ZNF704: variants seen among roughly 807,000 people sequenced by gnomAD.
The protein encoded by ZNF704 is zinc finger protein 704.
Under a neutral mutation model 44.7 loss-of-function variants are expected in ZNF704, and 10 were observed. The ratio of observed to expected loss-of-function variants is 0.22; its 90% confidence interval spans 0.14 to 0.38. The LOEUF (loss-of-function observed/expected upper bound fraction) is 0.38, where lower values mean the gene tolerates loss of function less well. Among genes scored for constraint, ZNF704 ranks in the 10% least tolerant of loss-of-function variants. The pLI is 1.00. For synonymous variants in ZNF704, 211 were observed against 207.6 expected (o/e 1.02, Z -0.14); for missense variants, 390 against 545.5 (o/e 0.71, Z 2.84).
intron 2 of ZNF704, among the ~76,000 whole-genome samples, chr8:80,730,549 A>AG (rs1303226170): frequency 6.8e-6 from 1 of 146,444 alleles, no homozygotes; most frequent in African/African-American, 2.7e-5. Flanking sequence ...AAAAAAAAAA[A>AG]AAAAAAAAAA....
intron 2 of ZNF704, among the ~76,000 whole-genome samples, chr8:80,804,718 T>C (rs903654887): frequency 6.6e-6 from 1 of 152,080 alleles, no homozygotes; most frequent in African/African-American, 2.4e-5. Context: ...GAAGAATAGT[T>C]AATGGATACT....
At chr8:80,870,974 T>C (rs1173888350) in intron 1 of ZNF704, among the ~76,000 whole-genome samples, 1 of 152,180 alleles carries the variant, frequency 6.6e-6, no homozygotes, top group Non-Finnish European at 1.5e-5. Flanking sequence ...AACCAACATT[T>C]ACATCATGGT....
chr8:80,711,692 T>A (rs1818990123), intron 2 of ZNF704, among the ~76,000 whole-genome samples: 1 of 152,186 alleles, frequency 6.6e-6, no homozygotes, highest in African/African-American at 2.4e-5. Flanking sequence ...AGGCTCAGAT[T>A]TTTTACTTTT....
chr8:80,864,575 A>G (rs959456777), intron 1 of ZNF704, among the ~76,000 whole-genome samples: 1 of 152,222 alleles, frequency 6.6e-6, no homozygotes, highest in Non-Finnish European at 1.5e-5. Flanking sequence ...AAGTCAATTA[A>G]TTACCAAGCC....
chr8:80,807,852 A>G (rs1808016160), intron 2 of ZNF704, among the ~76,000 whole-genome samples: 1 of 152,216 alleles, frequency 6.6e-6, no homozygotes, highest in South Asian at 2.1e-4. Flanking sequence ...TTTTAAAACA[A>G]AATGGGCTTT....
At chr8:80,644,646 T>C (rs926888835) in intron 7 of ZNF704, among the ~76,000 whole-genome samples, 1 of 152,154 alleles carries the variant, frequency 6.6e-6, no homozygotes, top group Admixed American at 6.5e-5. Flanking sequence ...CAAACTCAGA[T>C]GCTTCCTCCA....
intron 1 of ZNF704, 78 bp from the exon 2 acceptor site, chr8:80,821,693 A>C: frequency 9.6e-7 from 1 of 1,042,310 alleles, no homozygotes; most frequent in Non-Finnish European, 1.5e-6. Context: ...CGGTGAGGAG[A>C]GATTACAGAC....
At chr8:80,824,943 A>T (rs1586055174) in intron 1 of ZNF704, among the ~76,000 whole-genome samples, 3 of 152,208 alleles carry the variant, frequency 2.0e-5, no homozygotes, top group South Asian at 2.1e-4. Context: ...ATGGAAAGGA[A>T]CAACTGGTAC....
At chr8:80,689,843 A>T (rs1818602725) in intron 3 of ZNF704, among the ~76,000 whole-genome samples, 1 of 152,178 alleles carries the variant, frequency 6.6e-6, no homozygotes, top group South Asian at 2.1e-4. Flanking sequence ...TTTTTCTCAG[A>T]AAAAAAGTCA....
At chr8:80,750,809 A>G (rs1017534607) in intron 2 of ZNF704, among the ~76,000 whole-genome samples, 2 of 151,944 alleles carry the variant, frequency 1.3e-5, no homozygotes, top group Non-Finnish European at 2.9e-5. Flanking sequence ...GCCCAACCTT[A>G]TTTTAAACTT....
intron 1 of ZNF704, among the ~76,000 whole-genome samples, chr8:80,852,357 C>T (rs1808879739): frequency 6.6e-6 from 1 of 152,086 alleles, no homozygotes; most frequent in Non-Finnish European, 1.5e-5. Context: ...ATATACATGC[C>T]ACATGAATCA....
intron 2 of ZNF704, among the ~76,000 whole-genome samples, chr8:80,775,625 TA>T (rs1807398070): frequency 6.6e-6 from 1 of 152,204 alleles, no homozygotes; most frequent in South Asian, 2.1e-4. Flanking sequence ...ATATCCCAAA[TA>T]AACTATTTGC....
intron 2 of ZNF704, among the ~76,000 whole-genome samples, chr8:80,750,292 A>G (rs2131705056): frequency 6.6e-6 from 1 of 152,154 alleles, no homozygotes; most frequent in East Asian, 1.9e-4. Flanking sequence ...ACTGTAACAC[A>G]ACGCTACTCA....
intron 4 of ZNF704, among the ~76,000 whole-genome samples, chr8:80,678,060 C>T (rs1305380379): frequency 6.6e-6 from 1 of 152,010 alleles, no homozygotes; most frequent in Non-Finnish European, 1.5e-5. Flanking sequence ...TCTTGCATAC[C>T]CTACACTGGT....
chr8:80,798,877 T>C (rs1289733346), intron 2 of ZNF704, among the ~76,000 whole-genome samples: 1 of 152,228 alleles, frequency 6.6e-6, no homozygotes, highest in Non-Finnish European at 1.5e-5. Flanking sequence ...TTATGGAGGC[T>C]GAGAAGTCCA....
chr8:80,748,778 A>C (rs763500217), intron 2 of ZNF704, among the ~76,000 whole-genome samples: 25 of 152,196 alleles, frequency 1.6e-4, no homozygotes, highest in Non-Finnish European at 3.4e-4. Context: ...AAGGAAGTTA[A>C]AAAACGAGGA....
intron 2 of ZNF704, among the ~76,000 whole-genome samples, chr8:80,711,906 C>A (rs1451537595): frequency 6.6e-6 from 1 of 152,132 alleles, no homozygotes; most frequent in Non-Finnish European, 1.5e-5. Context: ...CAGGACAGAC[C>A]ACAAACAACA....
Position 80,643,516 on chromosome 8 carries a change from C to CAA in ZNF704, c.1033-389_1033-388dup, listed in dbSNP as rs1174433192. On this transcript the variant is annotated intron_variant, in intron 7 of 8. Transcript: ENST00000327835. ...TGGGTGACAGAGTGAGATCCTGTCT[C>CAA]AAAAAAAAAAAAAAAAAAAAAAAAA... Among the ~76,000 whole-genome samples, 31 of 23,382 alleles carry CAA rather than the reference C, an allele frequency of 1.3e-3. 1 individual carries two copies. Among genetic ancestry groups the CAA allele is most frequent in the Non-Finnish European group, 1.9e-3 (19 of 10,032 alleles). 15.3% of individuals were successfully genotyped at this position (23,382 alleles called of 152,430 possible).
intron 7 of ZNF704, among the ~76,000 whole-genome samples, chr8:80,655,345 AAAAC>A (rs1817998035): frequency 6.6e-6 from 1 of 152,134 alleles, no homozygotes; most frequent in South Asian, 2.1e-4. Flanking sequence ...AAAAAGAACA[AAAAC>A]AAAACGTATT....
Sources: allele counts gnomAD v4.1 joint callset (sites outside exome capture counted in the v4.1 genomes callset), GRCh38; gene constraint gnomAD v4.1.1; transcripts MANE v1.5; gene names NCBI Gene and HGNC (gene_info 2026-07-23, HGNC 2026-07-21).